CCDC71L: variants seen among roughly 807,000 people sequenced by gnomAD.
CCDC71L encodes the protein coiled-coil domain containing 71 like.
In CCDC71L, 6 loss-of-function variants were observed where a neutral mutation model predicts 10.2. The observed-to-expected ratio is 0.59, with a 90% confidence interval of 0.32 to 1.16. The LOEUF (loss-of-function observed/expected upper bound fraction) is 1.16, where lower values mean the gene tolerates loss of function less well. CCDC71L is among the 50% of genes most tolerant of loss of function. The pLI, the probability that CCDC71L is intolerant of heterozygous loss-of-function variation, is 0.05. For synonymous variants in CCDC71L, 204 were observed against 175.5 expected, an observed-to-expected ratio of 1.16 and a Z score of -1.28; for missense variants, 366 against 383.4, an observed-to-expected ratio of 0.95 and a Z score of 0.38.
In CCDC71L at chr7:106,660,201, C is replaced by A; in HGVS notation, c.696G>T (p.Val232=). The change falls in exon 1 of 1, where the codon GTG becomes GTT. Residue 232 remains valine, a synonymous_variant. Transcript: ENST00000523505. The surrounding 1 kb of genome is among the most constrained non-coding windows in gnomAD (Gnocchi z 7.5). Reference sequence around the variant, plus strand: ...TGGAGGCCGCACCTCATGCCCGGGGCACCGGGAAGCGGCGGAGCCTCACCA... The same window carrying A: ...TGGAGGCCGCACCTCATGCCCGGGGAACCGGGAAGCGGCGGAGCCTCACCA... ...EPMVRLRRFP[V]PRA is the part of the protein sequence containing the mutation. 1 of 1,564,710 alleles carries A rather than the reference C, an allele frequency of 6.4e-7. No individual in the cohort carries two copies. The highest frequency in any genetic ancestry group is 8.6e-7 in the Non-Finnish European group (1 of 1,165,504).
In CCDC71L at chr7:106,660,440, GTGGGGGTGGCGGCCGGGGCTTCCTCC is replaced by G; in HGVS notation, c.431_456del (p.Arg144ThrfsTer181). 1 of 1,231,670 alleles carries G rather than the reference GTGGGGGTGGCGGCCGGGGCTTCCTCC, an allele frequency of 8.1e-7. No individual in the cohort carries two copies. The highest frequency in any genetic ancestry group is 1.0e-6 in the Non-Finnish European group (1 of 988,476). The allele number at this position is 1,231,670 out of a possible 1,614,324, so 76.3% of individuals were successfully genotyped here. On this transcript the variant is annotated frameshift_variant, in exon 1 of 1. Coordinates refer to ENST00000523505, the MANE Select transcript of CCDC71L (RefSeq NM_175884.6). LOFTEE classifies it high-confidence loss of function. This position sits in a 1 kb window ranked among gnomAD's most constrained non-coding sequence, Gnocchi z 7.5. ...CAGCTCTCCTCGGGGGGCGGCGGCG[GTGGGGGTGGCGGCCGGGGCTTCCTCC>G]TGCGGGCAGCGGCCGCCCGGGCTCC...
rs571569853 is a variant in CCDC71L, at chr7:106,660,925, G to A, written c.-29C>T. On this transcript the variant is annotated 5_prime_UTR_variant, in exon 1 of 1. Coordinates refer to ENST00000523505, the MANE Select transcript of CCDC71L (RefSeq NM_175884.6). The surrounding 1 kb of genome is among the most constrained non-coding windows in gnomAD (Gnocchi z 7.5). ...AGGCCGCTCCGGGCCACTCACGCTCGCCGGGTCCCACTACTGCCGCCGCCG... is the reference window on the plus strand; with the variant it reads ...AGGCCGCTCCGGGCCACTCACGCTCACCGGGTCCCACTACTGCCGCCGCCG... 5.1e-4 allele frequency: 677 copies of A among 1,336,918 alleles called. 10 individuals are homozygous for A. The South Asian group carries it at 0.012, about 24-fold the overall frequency. The allele number at this position is 1,336,918 out of a possible 1,614,324, so 82.8% of individuals were successfully genotyped here.
In CCDC71L at chr7:106,660,225, C is replaced by G. The variant is rs555679777; in HGVS notation, c.672G>C (p.Met224Ile). The G allele has an allele frequency of 1.9e-6, 3 of 1,577,300 alleles. No homozygotes were observed. The East Asian group carries it at 7.1e-5, about 37-fold the overall frequency. ...RQVLRVNLEP[M>I]VRLRRFPVPR... Reference sequence around the variant, plus strand: ...GCACCGGGAAGCGGCGGAGCCTCACCATGGGTTCCAGGTTCACTCGCAGGA... The same window carrying G: ...GCACCGGGAAGCGGCGGAGCCTCACGATGGGTTCCAGGTTCACTCGCAGGA... Residue 224 changes from methionine (M) to isoleucine (I), a missense_variant, in exon 1 of 1, where the codon ATG becomes ATC. By Grantham distance (10) the Met-to-Ile change is conservative. Transcript: ENST00000523505. This position sits in a 1 kb window ranked among gnomAD's most constrained non-coding sequence, Gnocchi z 7.5.
rs1792494249 is a variant in CCDC71L at position 106,656,533 on chromosome 7, G to A, written c.*3656C>T. Among the ~76,000 whole-genome samples, 1 of 151,650 alleles carries A rather than the reference G, an allele frequency of 6.6e-6. No homozygotes were observed. Among genetic ancestry groups the A allele is most frequent in the African/African-American group, 2.4e-5 (1 of 41,254 alleles). The stretch of plus-strand genomic sequence containing the variant: ...TAGGATATTTTATTGCTGGCAAACT[G>A]GTTAATAAGTTGGGCTTGTAGCGCC... On this transcript the variant is annotated 3_prime_UTR_variant, in exon 1 of 1. Transcript: ENST00000523505.
rs937633929 is a variant in CCDC71L, at chr7:106,658,010, G to A, written c.*2179C>T. On this transcript the variant is annotated 3_prime_UTR_variant, in exon 1 of 1. Coordinates refer to ENST00000523505, the MANE Select transcript of CCDC71L (RefSeq NM_175884.6). Reference sequence around the variant, plus strand: ...AAACTATCTAGATAAGCTGTATGTCGAAATTGCATTCTAATATGGCCATTG... The same window carrying A: ...AAACTATCTAGATAAGCTGTATGTCAAAATTGCATTCTAATATGGCCATTG... The A allele has an allele frequency of 2.0e-5, 3 of 152,110 alleles. No homozygotes were observed. The highest frequency in any genetic ancestry group is 7.2e-5 in the African/African-American group (3 of 41,396). The allele number at this position is 152,110 out of a possible 1,614,324, so 9.4% of individuals were successfully genotyped here.
rs1276139346 is a variant in CCDC71L, at chr7:106,660,398, C to A, written c.499G>T (p.Ala167Ser). ...CGGCCCCCGAAGCAGGGCCCGGGGG[C>A]CACGGGCTTGGCCGGGCAGCTCTCC... ...PEESCPAKPV[A>S]PGPCFGGRTL... Residue 167 changes from alanine to serine, a missense_variant, in exon 1 of 1, where the codon GCC (alanine) becomes TCC (serine). Ala to Ser is a moderately conservative substitution (Grantham distance 99). Coordinates refer to ENST00000523505, the MANE Select transcript of CCDC71L (RefSeq NM_175884.6). The surrounding 1 kb of genome is among the most constrained non-coding windows in gnomAD (Gnocchi z 7.5). 2.3e-6 allele frequency: 3 copies of A among 1,324,854 alleles called. No homozygotes were observed. The highest frequency in any genetic ancestry group is 4.1e-5 in the Admixed American group (1 of 24,442). The allele number at this position is 1,324,854 out of a possible 1,614,324, so 82.1% of individuals were successfully genotyped here.
In CCDC71L at chr7:106,658,631, G is replaced by T. The variant is rs1380644283; in HGVS notation, c.*1558C>A. 1 of 152,564 alleles carries T rather than the reference G, an allele frequency of 6.6e-6. No individual in the cohort carries two copies. The highest frequency in any genetic ancestry group is 1.5e-5 in the Non-Finnish European group (1 of 68,028). The allele number at this position is 152,564 out of a possible 1,614,324, so 9.5% of individuals were successfully genotyped here. ...AATACTTAAATTTGAAATAATAGTG[G>T]TACAAAAACACTACTTGACCCTTTA... On this transcript the variant is annotated 3_prime_UTR_variant, in exon 1 of 1. Transcript: ENST00000523505.
At position 106,656,152 on chromosome 7, in the gene CCDC71L, A is replaced by T. The variant is rs1792486505; in HGVS notation, c.*4037T>A. ...CAGTCTCAACACTTGCAAGTCACAA[A>T]GGTATGCATAATAATTCCACCCCAG... On this transcript the variant is annotated 3_prime_UTR_variant, in exon 1 of 1. Coordinates refer to ENST00000523505, the MANE Select transcript of CCDC71L (RefSeq NM_175884.6). 6.6e-6 allele frequency among the ~76,000 whole-genome samples: 1 copy of T among 152,196 alleles called. No homozygotes were observed. The highest frequency in any genetic ancestry group is 1.5e-5 in the Non-Finnish European group (1 of 68,014).
rs570676061 is a variant in CCDC71L, at chr7:106,655,012, G to A, written c.*5177C>T. On this transcript the variant is annotated 3_prime_UTR_variant, in exon 1 of 1. Transcript: ENST00000523505. ...TCGGAAGCTAAATAAGTCCAGTTTT[G>A]GATTCAGTAGACTACTTATTCAAAT... Among the ~76,000 whole-genome samples, 1 of 152,082 alleles carries A rather than the reference G, an allele frequency of 6.6e-6. No individual in the cohort carries two copies. Among genetic ancestry groups the A allele is most frequent in the Middle Eastern group, 3.4e-3 (1 of 294 alleles).
Position 106,659,087 on chromosome 7 carries a change from T to C in CCDC71L, c.*1102A>G, listed in dbSNP as rs1048463602. The C allele has an allele frequency of 2.0e-5, 3 of 152,180 alleles. No individual in the cohort carries two copies. Among genetic ancestry groups the C allele is most frequent in the African/African-American group, 7.2e-5 (3 of 41,438 alleles). The allele number at this position is 152,180 out of a possible 1,614,324, so 9.4% of individuals were successfully genotyped here. The stretch of plus-strand genomic sequence containing the variant: ...CTCCACCCCTCTTGATCATTAATAG[T>C]TCTAAGAATTCTAATGGGTATTCTG... On this transcript the variant is annotated 3_prime_UTR_variant, in exon 1 of 1. Transcript: ENST00000523505.
In CCDC71L at chr7:106,660,121, T is replaced by C. The variant is rs1792562312; in HGVS notation, c.*68A>G. ...TCTGTAAACACTCGACTGACACTTG[T>C]TCATTCCTCCGGGCGGAAGGCCTGT... is the stretch of plus-strand genomic sequence containing the variant. On this transcript the variant is annotated 3_prime_UTR_variant, in exon 1 of 1. Transcript: ENST00000523505. This position sits in a 1 kb window ranked among gnomAD's most constrained non-coding sequence, Gnocchi z 7.5. 4.9e-6 allele frequency: 7 copies of C among 1,435,018 alleles called. No homozygotes were observed. The highest frequency in any genetic ancestry group is 6.3e-6 in the Non-Finnish European group (7 of 1,102,908). 88.9% of individuals were successfully genotyped at this position (1,435,018 alleles called of 1,614,324 possible). A position where few individuals can be genotyped will look rare whatever the true frequency, so the allele number is the denominator to read the frequency against.
rs186764631 is a variant in CCDC71L at position 106,655,262 on chromosome 7, T to C, written c.*4927A>G. Among the ~76,000 whole-genome samples the C allele has an allele frequency of 6.6e-6, 1 of 152,306 alleles. No individual in the cohort carries two copies. The highest frequency in any genetic ancestry group is 1.5e-5 in the Non-Finnish European group (1 of 67,988). ...CATCTAATAATTTTCCAGGAAATTA[T>C]TTTGTGTCAACTTCAGATAACTGCA... is the stretch of plus-strand genomic sequence containing the variant. On this transcript the variant is annotated 3_prime_UTR_variant, in exon 1 of 1. Transcript: ENST00000523505.
In CCDC71L at chr7:106,660,516, G is replaced by A. The variant is rs1376423456; in HGVS notation, c.381C>T (p.Arg127=). The A allele has an allele frequency of 5.0e-6, 7 of 1,398,128 alleles. No homozygotes were observed. Among genetic ancestry groups the A allele is most frequent in the Non-Finnish European group, 6.5e-6 (7 of 1,071,290 alleles). The allele number at this position is 1,398,128 out of a possible 1,614,324, so 86.6% of individuals were successfully genotyped here. A position where few individuals can be genotyped will look rare whatever the true frequency, so the allele number is the denominator to read the frequency against. Residue 127 remains arginine (R), a synonymous_variant, in exon 1 of 1, where the codon CGC becomes CGT. Transcript: ENST00000523505. This position sits in a 1 kb window ranked among gnomAD's most constrained non-coding sequence, Gnocchi z 7.5. ...CGCGGCGCCTCCTCCTGGCCGCTGC[G>A]CGCGGAACCGGCCGGCGCGCCTGGC... ...ARGQARRPVP[R]AAARRRRRGA...
In CCDC71L at chr7:106,656,325, T is replaced by C. The variant is rs1296976583; in HGVS notation, c.*3864A>G. 2.0e-5 allele frequency among the ~76,000 whole-genome samples: 3 copies of C among 152,130 alleles called. No homozygotes were observed. The highest frequency in any genetic ancestry group is 4.4e-5 in the Non-Finnish European group (3 of 68,010). On this transcript the variant is annotated 3_prime_UTR_variant, in exon 1 of 1. Coordinates refer to ENST00000523505, the MANE Select transcript of CCDC71L (RefSeq NM_175884.6). ...TACTCCACTTCTGCCTTCTAGACTC[T>C]AATGAAAATTCTAGCCCTGCCCTTA...
chr7:106,660,934 CACT>C lies in CCDC71L; in HGVS notation c.-41_-39del. The C allele has an allele frequency of 1.5e-6, 2 of 1,320,420 alleles. No homozygotes were observed. Among genetic ancestry groups the C allele is most frequent in the Non-Finnish European group, 1.9e-6 (2 of 1,037,040 alleles). 81.8% of individuals were successfully genotyped at this position (1,320,420 alleles called of 1,614,324 possible). ...CGGGCCACTCACGCTCGCCGGGTCC[CACT>C]ACTGCCGCCGCCGTCCCAGTCCGCG... On this transcript the variant is annotated 5_prime_UTR_variant, in exon 1 of 1. Transcript: ENST00000523505. This position sits in a 1 kb window ranked among gnomAD's most constrained non-coding sequence, Gnocchi z 7.5.
chr7:106,660,418 C>T lies in CCDC71L; in HGVS notation c.479G>A (p.Ser160Asn). 7.9e-7 allele frequency: 1 copy of T among 1,265,842 alleles called. No individual in the cohort carries two copies. 78.4% of individuals were successfully genotyped at this position (1,265,842 alleles called of 1,614,324 possible). Residue 160 changes from serine to asparagine, a missense_variant, in exon 1 of 1, where the codon AGC becomes AAC. Transcript: ENST00000523505. The surrounding 1 kb of genome is among the most constrained non-coding windows in gnomAD (Gnocchi z 7.5). ...PPPPPPPPEE[S>N]CPAKPVAPGP... ...GGGGGCCACGGGCTTGGCCGGGCAG[C>T]TCTCCTCGGGGGGCGGCGGCGGTGG...
chr7:106,659,844 G>A lies in CCDC71L; in HGVS notation c.*345C>T. 1 of 258,956 alleles carries A rather than the reference G, an allele frequency of 3.9e-6. No individual in the cohort carries two copies. Among genetic ancestry groups the A allele is most frequent in the Non-Finnish European group, 7.3e-6 (1 of 136,574 alleles). 16.0% of individuals were successfully genotyped at this position (258,956 alleles called of 1,614,324 possible). The stretch of plus-strand genomic sequence containing the variant: ...GTCTTCGGAGGACTTCCAGACCAGT[G>A]AGGTAGAGTCCAACAGTGAGAAAAC... On this transcript the variant is annotated 3_prime_UTR_variant, in exon 1 of 1. Transcript: ENST00000523505.
rs1792536039 is a variant in CCDC71L at position 106,658,878 on chromosome 7, G to A, written c.*1311C>T. On this transcript the variant is annotated 3_prime_UTR_variant, in exon 1 of 1. Transcript: ENST00000523505. ...ACCTAGAACTGCAAACATATAATGA[G>A]TGGCAAAAAGGTTAAAAAAAATGTT... is the stretch of plus-strand genomic sequence containing the variant. The A allele has an allele frequency of 6.6e-6, 1 of 152,424 alleles. No homozygotes were observed. The highest frequency in any genetic ancestry group is 1.5e-5 in the Non-Finnish European group (1 of 68,000). The allele number at this position is 152,424 out of a possible 1,614,324, so 9.4% of individuals were successfully genotyped here.
Position 106,660,179 on chromosome 7 carries a change from A to T in CCDC71L, c.*10T>A, listed in dbSNP as rs1422658253. The T allele has an allele frequency of 2.7e-5, 42 of 1,534,126 alleles. No homozygotes were observed. The highest frequency in any genetic ancestry group is 3.6e-5 in the Non-Finnish European group (42 of 1,151,568). ...TCGGGGCCGGCAGGAGGCGCCCTGG[A>T]GGCCGCACCTCATGCCCGGGGCACC... On this transcript the variant is annotated 3_prime_UTR_variant, in exon 1 of 1. Transcript: ENST00000523505. The surrounding 1 kb of genome is among the most constrained non-coding windows in gnomAD (Gnocchi z 7.5).
Sources: allele counts gnomAD v4.1 joint callset (sites outside exome capture counted in the v4.1 genomes callset), GRCh38; gene constraint gnomAD v4.1.1; non-coding constraint Gnocchi (gnomAD v3.1); transcripts MANE v1.5; gene names NCBI Gene and HGNC (gene_info 2026-07-23, HGNC 2026-07-21).